Variants in SRRM2 observed in about 807,000 individuals in gnomAD.
The protein encoded by SRRM2 is serine/arginine repetitive matrix 2.
A neutral mutation model predicts 213.8 loss-of-function variants in SRRM2; 30 were observed. The observed-to-expected ratio is 0.14, with a 90% confidence interval of 0.10 to 0.19. SRRM2 has a LOEUF of 0.19. Ranked by LOEUF, SRRM2 falls within the 10% of genes least tolerant of loss-of-function variation. The pLI is 1.00. For synonymous variants in SRRM2, 2,025 were observed against 1,377.7 expected, an observed-to-expected ratio of 1.47 and a Z score of -10.40; for missense variants, 4,904 against 3,647.0, an observed-to-expected ratio of 1.34 and a Z score of -8.88.
In SRRM2 at chr16:2,767,863, T is replaced by G. The variant is rs1446288978; in HGVS notation, c.7335T>G (p.Asp2445Glu). The change falls in exon 11 of 15, where the codon GAT becomes GAG. Residue 2445 changes from aspartate to glutamate, a missense_variant. By Grantham distance (45) the Asp-to-Glu change is conservative. Transcript: ENST00000301740. Reference sequence around the variant, plus strand: ...AGTCTCTTCTCCCTCCAGCACAGGATCAGCCGAGGTCTCCTGTGCCTTCTG... The same window carrying G: ...AGTCTCTTCTCCCTCCAGCACAGGAGCAGCCGAGGTCTCCTGTGCCTTCTG... The part of the protein sequence containing the change: ...PSQSLLPPAQ[D>E]QPRSPVPSAF... The G allele has an allele frequency of 1.9e-6, 3 of 1,614,132 alleles. No homozygotes were observed. In the South Asian group the frequency reaches 3.3e-5, roughly 18 times the overall value.
At chr16:2,757,600 C>T (rs749287925) in intron 3 of SRRM2, 21 bp downstream of exon 3, 28 of 1,607,210 alleles carry the variant, frequency 1.7e-5, no homozygotes, top group Middle Eastern at 1.7e-4. Flanking sequence ...CGCTCTCCCT[C>T]GATGACTCTG....
chr16:2,753,272 G>C (rs1596252760), intron 1 of SRRM2, among the ~76,000 whole-genome samples: 2 of 152,300 alleles, frequency 1.3e-5, no homozygotes, highest in African/African-American at 2.4e-5. Context: ...TCCTTTCCTC[G>C]GGCTTCTCTT....
Position 2,769,237 on chromosome 16 carries a change from C to T in SRRM2, c.7974C>T (p.Ala2658=), listed in dbSNP as rs767059271. The change falls in exon 12 of 15, where the codon GCC becomes GCT. Residue 2658 remains alanine (A), a synonymous_variant. Coordinates refer to ENST00000301740, the MANE Select transcript of SRRM2 (RefSeq NM_016333.4). ...CCCCTGCTAAGCCTGGCCCTCAGGC[C>T]TTGCCCAAACCTGCAAGCCCCAAGA... The part of the protein sequence containing the change: ...SPSPAKPGPQ[A]LPKPASPKKP... The T allele has an allele frequency of 3.8e-6, 6 of 1,585,090 alleles. No individual in the cohort carries two copies. The highest frequency in any genetic ancestry group is 2.4e-5 in the South Asian group (2 of 84,542).
chr16:2,770,186 G>A (rs763890745), intron 12 of SRRM2, 166 bp from the exon 13 acceptor site: 187 of 1,444,492 alleles, frequency 1.3e-4, no homozygotes, highest in Middle Eastern at 7.7e-4. Context: ...CTGGGCACTC[G>A]GTGGATGGTG....
Position 2,763,792 on chromosome 16 carries a change from C to G in SRRM2, c.3264C>G (p.Ser1088Arg), listed in dbSNP as rs558255802. Residue 1088 changes from serine to arginine, a missense_variant, in exon 11 of 15, where the codon AGC (serine) becomes AGG (arginine). Coordinates refer to ENST00000301740, the MANE Select transcript of SRRM2 (RefSeq NM_016333.4). The part of the protein sequence containing the change: ...QSHSESPSLQ[S>R]KSQTSPKGGR... ...ATTCAGAATCACCATCTCTGCAGAG[C>G]AAATCTCAAACATCACCTAAGGGAG... is the stretch of plus-strand genomic sequence containing the variant. The G allele has an allele frequency of 2.3e-5, 37 of 1,614,178 alleles. No individual in the cohort carries two copies. In the South Asian group the frequency reaches 3.5e-4, roughly 15 times the overall value.
chr16:2,767,979 C>T lies in SRRM2; in HGVS notation c.7451C>T (p.Thr2484Met), dbSNP rs756563357. Residue 2484 changes from threonine (T) to methionine (M), a missense_variant, in exon 11 of 15, where the codon ACG (threonine) becomes ATG (methionine). By Grantham distance (81) the Thr-to-Met change is moderately conservative. Transcript: ENST00000301740. ...SLSSGAVATTTSSAGDHNGML... is the reference protein window; with the variant it reads ...SLSSGAVATTMSSAGDHNGML... ...TCCTCTGGGGCAGTGGCAACGACCACGTCCTCTGCTGGTGATCACAATGGC... is the reference window on the plus strand; with the variant it reads ...TCCTCTGGGGCAGTGGCAACGACCATGTCCTCTGCTGGTGATCACAATGGC... 1.6e-5 allele frequency: 26 copies of T among 1,614,040 alleles called. No individual in the cohort carries two copies. The highest frequency in any genetic ancestry group is 5.5e-5 in the South Asian group (5 of 91,084).
Position 2,761,911 on chromosome 16 carries a change from T to A in SRRM2, c.1383T>A (p.Asn461Lys), listed in dbSNP as rs772315233. The A allele has an allele frequency of 1.1e-5, 17 of 1,613,700 alleles. No individual in the cohort carries two copies. The South Asian group carries it at 1.2e-4, about 11-fold the overall frequency. ...REISSSPTSKNRSHGRAKRDK... is the reference protein window; with the variant it reads ...REISSSPTSKKRSHGRAKRDK... ...TTTCTTCTTCTCCCACATCTAAGAA[T>A]CGCTCACATGGCCGAGCAAAACGGG... Residue 461 changes from asparagine to lysine, a missense_variant, in exon 11 of 15, where the codon AAT becomes AAA. Coordinates refer to ENST00000301740, the MANE Select transcript of SRRM2 (RefSeq NM_016333.4).
chr16:2,769,627 G>A (rs1387803627), intron 12 of SRRM2: 1 of 587,216 alleles, frequency 1.7e-6, no homozygotes, highest in Non-Finnish European at 3.2e-6. Flanking sequence ...TCTGTCCACA[G>A]CCTCCTCCCT....
At chr16:2,769,501 G>T in intron 12 of SRRM2, 1 of 635,776 alleles carries the variant, frequency 1.6e-6, no homozygotes, top group Admixed American at 2.5e-5. Context: ...GGACCAGGGG[G>T]TCCTTGGTTT....
chr16:2,764,252 G>A lies in SRRM2; in HGVS notation c.3724G>A (p.Val1242Ile). Residue 1242 changes from valine to isoleucine, a missense_variant, in exon 11 of 15, where the codon GTA becomes ATA. Coordinates refer to ENST00000301740, the MANE Select transcript of SRRM2 (RefSeq NM_016333.4). ...SSQDEELMEV[V>I]EKSEEPAGQI... ...CCAAGATGAAGAGTTAATGGAGGTG[G>A]TAGAGAAGTCTGAAGAACCCGCAGG... 6.2e-7 allele frequency: 1 copy of A among 1,614,074 alleles called. No homozygotes were observed. The highest frequency in any genetic ancestry group is 8.5e-7 in the Non-Finnish European group (1 of 1,179,996).
intron 3 of SRRM2, 38 bp downstream of exon 3, chr16:2,757,617 A>G (rs1486126715): frequency 6.3e-7 from 1 of 1,592,704 alleles, no homozygotes; most frequent in Admixed American, 1.7e-5. Flanking sequence ...TCTGGACTCT[A>G]CTCTGGCTGC....
At chr16:2,768,343 C>A in intron 11 of SRRM2, 82 bp downstream of exon 11, 1 of 1,456,170 alleles carries the variant, frequency 6.9e-7, no homozygotes, top group East Asian at 2.3e-5. Context: ...GAAACCATGT[C>A]ACAGGTGCTT....
At position 2,764,198 on chromosome 16, in the gene SRRM2, G is replaced by A. The variant is rs763331341; in HGVS notation, c.3670G>A (p.Glu1224Lys). 2 of 1,614,220 alleles carry A rather than the reference G, an allele frequency of 1.2e-6. No individual in the cohort carries two copies. Among genetic ancestry groups the A allele is most frequent in the Non-Finnish European group, 8.5e-7 (1 of 1,180,042 alleles). Reference sequence around the variant, plus strand: ...TGCTGGGTCATCTCCAGAAACAAAAGAGCAAAATAGTGCATTGCCTACGTC... The same window carrying A: ...TGCTGGGTCATCTCCAGAAACAAAAAAGCAAAATAGTGCATTGCCTACGTC... ...SGAGSSPETK[E>K]QNSALPTSSQ... The change falls in exon 11 of 15, where the codon GAG (glutamate) becomes AAG (lysine). Residue 1224 changes from glutamate (E) to lysine (K), a missense_variant. Transcript: ENST00000301740.
chr16:2,756,477 G>C lies in SRRM2; in HGVS notation c.113G>C (p.Gly38Ala). 1 of 1,613,874 alleles carries C rather than the reference G, an allele frequency of 6.2e-7. No individual in the cohort carries two copies. The highest frequency in any genetic ancestry group is 8.5e-7 in the Non-Finnish European group (1 of 1,179,906). Residue 38 changes from glycine to alanine, a missense_variant, in exon 2 of 15, where the codon GGA becomes GCA. Physicochemically the swap from Gly to Ala is moderately conservative, Grantham distance 60. Transcript: ENST00000301740. ...CGGGGTGAGCGGCCTGACTACAAGGGAGAGGAGGAACTGCGGCGCCTGGAG... is the reference window on the plus strand; with the variant it reads ...CGGGGTGAGCGGCCTGACTACAAGGCAGAGGAGGAACTGCGGCGCCTGGAG... Reference protein sequence around the residue: ...GRRGERPDYKGEEELRRLEAA... With the variant: ...GRRGERPDYKAEEELRRLEAA...
Position 2,766,255 on chromosome 16 carries a change from A to C in SRRM2, c.5727A>C (p.Arg1909=). ...GGTCCAGGACTTCAGTGACTCGACGAAGATCCCGGTCAAGAGCATCCCCAG... is the reference window on the plus strand; with the variant it reads ...GGTCCAGGACTTCAGTGACTCGACGCAGATCCCGGTCAAGAGCATCCCCAG... ...RSRSRTSVTR[R]RSRSRASPVS... The change falls in exon 11 of 15, where the codon CGA becomes CGC. Residue 1909 remains arginine (R), a synonymous_variant. Coordinates refer to ENST00000301740, the MANE Select transcript of SRRM2 (RefSeq NM_016333.4). This position sits in a 1 kb window ranked among gnomAD's most constrained non-coding sequence, Gnocchi z 7.0. 6.2e-7 allele frequency: 1 copy of C among 1,614,154 alleles called. No homozygotes were observed. Among genetic ancestry groups the C allele is most frequent in the Non-Finnish European group, 8.5e-7 (1 of 1,180,030 alleles).
chr16:2,759,876 T>G (rs1291744966), intron 9 of SRRM2: 20 of 576,022 alleles, frequency 3.5e-5, no homozygotes, highest in Non-Finnish European at 3.1e-6. Context: ...TTGTTATTTT[T>G]GTTTCGTTCT....
rs778370806 is a variant in SRRM2 at position 2,766,805 on chromosome 16, C to T, written c.6277C>T (p.Pro2093Ser). The T allele has an allele frequency of 2.0e-5, 32 of 1,614,030 alleles. No individual in the cohort carries two copies. The highest frequency in any genetic ancestry group is 1.6e-4 in the Middle Eastern group (1 of 6,084). Residue 2093 changes from proline (P) to serine (S), a missense_variant, in exon 11 of 15, where the codon CCT (proline) becomes TCT (serine). By Grantham distance (74) the Pro-to-Ser change is moderately conservative (BLOSUM62 -1). Transcript: ENST00000301740. The surrounding 1 kb of genome is among the most constrained non-coding windows in gnomAD (Gnocchi z 7.0). The stretch of plus-strand genomic sequence containing the variant: ...TTCTGATCGTTCACGATCTGCTACT[C>T]CTCCAGCAACAAGAAATCATTCTGG... Reference protein sequence around the residue: ...SSSDRSRSATPPATRNHSGSR... With the variant: ...SSSDRSRSATSPATRNHSGSR...
At chr16:2,753,935 G>T (rs1286986676) in intron 1 of SRRM2, among the ~76,000 whole-genome samples, 1 of 151,674 alleles carries the variant, frequency 6.6e-6, no homozygotes, top group African/African-American at 2.4e-5. Context: ...TTTCTTTTTT[G>T]CATATTTTAC....
At chr16:2,758,889 C>A in intron 5 of SRRM2, 96 bp from the exon 6 acceptor site, 2 of 1,374,988 alleles carry the variant, frequency 1.5e-6, no homozygotes, top group Non-Finnish European at 1.0e-6. Flanking sequence ...TTAGGACATT[C>A]AAGTGTTTTA....
Sources: allele counts gnomAD v4.1 joint callset (sites outside exome capture counted in the v4.1 genomes callset), GRCh38; gene constraint gnomAD v4.1.1; non-coding constraint Gnocchi (gnomAD v3.1); transcripts MANE v1.5; gene names NCBI Gene and HGNC (gene_info 2026-07-23, HGNC 2026-07-21).